FOXJ3: variants seen among roughly 807,000 people sequenced by gnomAD.
The protein encoded by FOXJ3 is forkhead box J3.
Under a neutral mutation model 76.1 loss-of-function variants are expected in FOXJ3, and 22 were observed. The ratio of observed to expected loss-of-function variants is 0.29; its 90% CI spans 0.21 to 0.41. The LOEUF (loss-of-function observed/expected upper bound fraction) is 0.41, where lower values mean the gene tolerates loss of function less well. Among genes scored for constraint, FOXJ3 ranks in the 10% least tolerant of loss-of-function variants. The pLI is 1.00. For missense variants in FOXJ3, 613 were observed against 762.1 expected (o/e 0.80, Z 2.30); for synonymous variants, 269 against 261.2 (o/e 1.03, Z -0.29).
At chr1:42,331,998 C>T (rs1217174554) in intron 1 of FOXJ3, among the ~76,000 whole-genome samples, 1 of 151,992 alleles carries the variant, frequency 6.6e-6, no homozygotes, top group Non-Finnish European at 1.5e-5. Flanking sequence ...TATTCTTACC[C>T]CTCCTTTCAA....
chr1:42,283,208 G>C (rs1311783880), intron 2 of FOXJ3, among the ~76,000 whole-genome samples: 2 of 152,154 alleles, frequency 1.3e-5, no homozygotes, highest in Non-Finnish European at 2.9e-5. Context: ...AGAAAGCAAA[G>C]CACAGAGAAG....
At chr1:42,229,056 T>C (rs550912518) in intron 4 of FOXJ3, among the ~76,000 whole-genome samples, 68 of 152,288 alleles carry the variant, frequency 4.5e-4, no homozygotes, top group Non-Finnish European at 6.0e-4. Flanking sequence ...ACATACCATG[T>C]TGTTTATCTG....
chr1:42,323,814 T>C (rs920858257), intron 1 of FOXJ3: 13 of 385,870 alleles, frequency 3.4e-5, no homozygotes, highest in Non-Finnish European at 4.3e-5. Context: ...TCTCTACTGT[T>C]CCACAGGGAA....
rs748109250 is a variant in FOXJ3 at position 42,272,010 on chromosome 1, T to C, written c.369+6338A>G. ...AATACAAAATCATTCAATTATGGAA[T>C]ATCCAAAGAGGTATTTTTAATATGT... On this transcript the variant is annotated intron_variant, in intron 3 of 12. Transcript: ENST00000361346. Among the ~76,000 whole-genome samples the C allele has an allele frequency of 1.5e-4, 23 of 152,322 alleles. 1 individual carries two copies. The Middle Eastern group carries it at 0.01, about 68-fold the overall frequency.
At chr1:42,277,858 T>C (rs1652403183) in intron 3 of FOXJ3, among the ~76,000 whole-genome samples, 1 of 146,184 alleles carries the variant, frequency 6.8e-6, no homozygotes, top group Non-Finnish European at 1.5e-5. Context: ...GCGTCTATAG[T>C]CCCAGCTACT....
At chr1:42,254,529 A>G (rs1174943003) in intron 4 of FOXJ3, among the ~76,000 whole-genome samples, 9 of 146,960 alleles carry the variant, frequency 6.1e-5, no homozygotes, top group East Asian at 4.0e-4. Context: ...TGTTTATTGC[A>G]GCACTATTCA....
At chr1:42,309,001 C>CAAA (rs59583552) in intron 2 of FOXJ3, among the ~76,000 whole-genome samples, 5 of 103,850 alleles carry the variant, frequency 4.8e-5, no homozygotes, top group African/African-American at 7.4e-5. Flanking sequence ...AGTCGTTTTA[C>CAAA]AAAAAAAAAA....
chr1:42,253,642 C>T (rs1227950603), intron 4 of FOXJ3, among the ~76,000 whole-genome samples: 12 of 152,112 alleles, frequency 7.9e-5, no homozygotes, highest in Admixed American at 7.9e-4. Flanking sequence ...CAGAACAGAG[C>T]CCTCAGAAAT....
At chr1:42,258,434 G>A (rs929258442) in intron 4 of FOXJ3, among the ~76,000 whole-genome samples, 1 of 152,146 alleles carries the variant, frequency 6.6e-6, no homozygotes, top group African/African-American at 2.4e-5. Context: ...ATTCTCAGAA[G>A]TTTCTAGCTT....
intron 3 of FOXJ3, among the ~76,000 whole-genome samples, chr1:42,269,681 C>A (rs1474406875): frequency 6.6e-6 from 1 of 152,250 alleles, no homozygotes; most frequent in South Asian, 2.1e-4. Context: ...TTCAGTTTTC[C>A]CTTCTCAGTT....
In FOXJ3 at chr1:42,286,968, T is replaced by C. The variant is rs566936279; in HGVS notation, c.45-8296A>G. Among the ~76,000 whole-genome samples the C allele has an allele frequency of 4.6e-5, 7 of 151,418 alleles. 1 individual carries two copies. The South Asian group carries it at 1.3e-3, about 27-fold the overall frequency. On this transcript the variant is annotated intron_variant, in intron 2 of 12. Transcript: ENST00000361346. ...TATTAATTATTTTGGAGACCAACAA[T>C]ATTTCTTAAAATCTCCAAGGGAAGA...
At chr1:42,242,866 T>C (rs936549426) in intron 4 of FOXJ3, among the ~76,000 whole-genome samples, 26 of 152,166 alleles carry the variant, frequency 1.7e-4, no homozygotes, top group African/African-American at 5.3e-4. Context: ...CCAATAGATA[T>C]AATCCAAAAA....
At chr1:42,219,891 C>T (rs1475730319) in intron 5 of FOXJ3, among the ~76,000 whole-genome samples, 1 of 152,292 alleles carries the variant, frequency 6.6e-6, no homozygotes, top group East Asian at 1.9e-4. Context: ...TGCATTGCAG[C>T]CTGGGCAACA....
chr1:42,276,916 G>T (rs1275853098), intron 3 of FOXJ3, among the ~76,000 whole-genome samples: 1 of 152,084 alleles, frequency 6.6e-6, no homozygotes, highest in Non-Finnish European at 1.5e-5. Context: ...AACATATATT[G>T]CCCAGGCTGG....
chr1:42,201,497 T>C (rs1352583940), intron 6 of FOXJ3, among the ~76,000 whole-genome samples: 1 of 152,228 alleles, frequency 6.6e-6, no homozygotes. Flanking sequence ...GGAGTATACA[T>C]GTAGCACTTC....
intron 2 of FOXJ3, among the ~76,000 whole-genome samples, chr1:42,305,605 A>C (rs1461844380): frequency 6.6e-6 from 1 of 152,230 alleles, no homozygotes; most frequent in Non-Finnish European, 1.5e-5. Flanking sequence ...AAGTGAAATA[A>C]GCCAGGCACA....
intron 4 of FOXJ3, among the ~76,000 whole-genome samples, chr1:42,239,445 ATTTTT>A (rs1389374345): frequency 6.7e-6 from 1 of 150,054 alleles, no homozygotes; most frequent in African/African-American, 2.5e-5. Flanking sequence ...TTGGTCAAAT[ATTTTT>A]TCTATACCTG....
chr1:42,319,515 A>T (rs1001035886), intron 1 of FOXJ3, among the ~76,000 whole-genome samples: 1 of 152,210 alleles, frequency 6.6e-6, no homozygotes, highest in Non-Finnish European at 1.5e-5. Flanking sequence ...TAAATGGAGA[A>T]TAGAGATTGA....
At chr1:42,278,737 T>C (rs1213353704) in intron 2 of FOXJ3, 65 bp from the exon 3 acceptor site, 3 of 1,187,326 alleles carry the variant, frequency 2.5e-6, no homozygotes, top group Non-Finnish European at 3.6e-6. Context: ...AAATATCCAA[T>C]ATTCACAAAT....
Sources: gnomAD v4.1 joint callset for allele counts (sites outside exome capture counted in the v4.1 genomes callset) on GRCh38, gnomAD v4.1.1 for gene constraint, MANE v1.5 for transcripts, NCBI Gene and HGNC (gene_info 2026-07-23, HGNC 2026-07-21) for gene names.